Variants in MACROD2 observed in about 807,000 individuals in gnomAD.
MACROD2 encodes the protein mono-ADP ribosylhydrolase 2, also known as ADP-ribose glycohydrolase MACROD2.
Under a neutral mutation model 70.4 loss-of-function variants are expected in MACROD2, and 36 were observed. The observed-to-expected ratio is 0.51, with a 90% CI of 0.39 to 0.68. The LOEUF is 0.68. MACROD2 is among the 30% of genes least tolerant of loss of function. MACROD2 has a pLI of 0.00. For missense variants in MACROD2, 496 were observed against 538.4 expected (o/e 0.92, Z 0.78); for synonymous variants, 172 against 178.8 (o/e 0.96, Z 0.30).
chr20:14,078,950 C>T (rs998057717), intron 2 of MACROD2, among the ~76,000 whole-genome samples: 14 of 152,294 alleles, frequency 9.2e-5, no homozygotes, highest in African/African-American at 3.4e-4. Flanking sequence ...CCAATACCCT[C>T]ATTGTCCATC....
At chr20:14,580,288 T>G (rs1980922231) in intron 4 of MACROD2, among the ~76,000 whole-genome samples, 1 of 152,184 alleles carries the variant, frequency 6.6e-6, no homozygotes, top group African/African-American at 2.4e-5. Flanking sequence ...GTTATAGCAC[T>G]AAGAGTATTT....
At chr20:14,526,027 G>A (rs984783943) in intron 4 of MACROD2, among the ~76,000 whole-genome samples, 1 of 152,184 alleles carries the variant, frequency 6.6e-6, no homozygotes, top group Non-Finnish European at 1.5e-5. Context: ...ATATCGGAAT[G>A]TTGATAGAAA....
At position 14,515,469 on chromosome 20, in the gene MACROD2, A is replaced by ACACGCG. The variant is rs759399680; in HGVS notation, c.301+21964_301+21965insGCGCAC. Among the ~76,000 whole-genome samples, 1,183 of 143,686 alleles carry ACACGCG rather than the reference A, an allele frequency of 8.2e-3. 6 individuals are homozygous for ACACGCG. The highest frequency in any genetic ancestry group is 0.014 in the Middle Eastern group (4 of 278). The allele number at this position is 143,686 out of a possible 152,430, so 94.3% of individuals were successfully genotyped here. On this transcript the variant is annotated intron_variant, in intron 4 of 17. Coordinates refer to ENST00000684519, the MANE Select transcript of MACROD2 (RefSeq NM_001351661.2). ...ATATGTGAGATACACACACACGCAC[A>ACACGCG]CACACACACACACACACACACACAC... is the stretch of plus-strand genomic sequence containing the variant.
intron 3 of MACROD2, among the ~76,000 whole-genome samples, chr20:14,165,877 ACTAGGTAAGTCCTCAC>A (rs1443035234): frequency 6.6e-6 from 1 of 152,192 alleles, no homozygotes; most frequent in African/African-American, 2.4e-5. Context: ...ACCTATCTCT[ACTAGGTAAGTCCTCAC>A]TAGGGCATTA....
chr20:15,797,282 T>G (rs147388438), intron 8 of MACROD2, among the ~76,000 whole-genome samples: 2 of 151,930 alleles, frequency 1.3e-5, no homozygotes, highest in Non-Finnish European at 2.9e-5. Flanking sequence ...CCCGGCTAAT[T>G]TTTTTGTATT....
chr20:14,167,948 T>C (rs2081186202), intron 3 of MACROD2, among the ~76,000 whole-genome samples: 1 of 152,142 alleles, frequency 6.6e-6, no homozygotes, highest in Non-Finnish European at 1.5e-5. Flanking sequence ...GCAAAAAAAT[T>C]AACTCATCAG....
At chr20:15,477,750 CTT>C (rs1324148740) in intron 7 of MACROD2, among the ~76,000 whole-genome samples, 3 of 152,144 alleles carry the variant, frequency 2.0e-5, no homozygotes, top group African/African-American at 7.2e-5. Flanking sequence ...GCAAAAGAGA[CTT>C]TACAGATATT....
rs116443993 is a variant in MACROD2 at position 14,995,799 on chromosome 20, G to A, written c.419-234141G>A. ...ATGAATGATAAAAATATTACGTATCGAAACCTATGGGATGCAGTTAAAGAT... is the reference window on the plus strand; with the variant it reads ...ATGAATGATAAAAATATTACGTATCAAAACCTATGGGATGCAGTTAAAGAT... On this transcript the variant is annotated intron_variant, in intron 5 of 17. Transcript: ENST00000684519. Among the ~76,000 whole-genome samples, 128 of 152,128 alleles carry A rather than the reference G, an allele frequency of 8.4e-4. 1 individual carries two copies. The highest frequency in any genetic ancestry group is 2.7e-3 in the African/African-American group (114 of 41,512).
chr20:14,856,811 T>A (rs2122337273), intron 5 of MACROD2, among the ~76,000 whole-genome samples: 1 of 152,202 alleles, frequency 6.6e-6, no homozygotes, highest in African/African-American at 2.4e-5. Flanking sequence ...AGATTTGGGA[T>A]GGTTGCCGCC....
At chr20:14,543,991 G>T (rs2085463255) in intron 4 of MACROD2, among the ~76,000 whole-genome samples, 2 of 152,042 alleles carry the variant, frequency 1.3e-5, no homozygotes, top group Admixed American at 6.6e-5. Flanking sequence ...TGTCTATTTG[G>T]CTGGCTTCTT....
chr20:14,131,834 G>A (rs1056714797), intron 3 of MACROD2, among the ~76,000 whole-genome samples: 3 of 151,882 alleles, frequency 2.0e-5, no homozygotes, highest in African/African-American at 7.3e-5. Context: ...ATTCTCTTAC[G>A]GTTTAAGAGA....
rs938412585 is a variant in MACROD2, at chr20:15,366,876, T to C, written c.541-64529T>C. Among the ~76,000 whole-genome samples, 3 of 152,164 alleles carry C rather than the reference T, an allele frequency of 2.0e-5. No individual in the cohort carries two copies. In the East Asian group the frequency reaches 5.8e-4, roughly 29 times the overall value. Reference sequence around the variant, plus strand: ...CTGAGGTTTATTTTTGAATATAGCATTATTATGTAAATGCCTCCCATGTTG... The same window carrying C: ...CTGAGGTTTATTTTTGAATATAGCACTATTATGTAAATGCCTCCCATGTTG... On this transcript the variant is annotated intron_variant, in intron 6 of 17. Coordinates refer to ENST00000684519, the MANE Select transcript of MACROD2 (RefSeq NM_001351661.2).
intron 5 of MACROD2, among the ~76,000 whole-genome samples, chr20:14,954,721 T>TATATAA (rs1568895118): frequency 2.5e-3 from 2 of 796 alleles, no homozygotes; most frequent in South Asian, 0.029. Flanking sequence ...AATATATAAA[T>TATATAA]GTATAAATAT....
At chr20:16,036,288 G>A (rs2327984) in intron 15 of MACROD2, among the ~76,000 whole-genome samples, 1 of 34,402 alleles carries the variant, frequency 2.9e-5, no homozygotes, top group Non-Finnish European at 7.4e-5. Context: ...CTCCTCCCCC[G>A]GCCAGCATCT....
intron 5 of MACROD2, among the ~76,000 whole-genome samples, chr20:15,096,808 ATTTTTT>A (rs11479076): frequency 3.2e-5 from 3 of 93,662 alleles, no homozygotes; most frequent in South Asian, 7.5e-4. Flanking sequence ...CACTATGCTA[ATTTTTT>A]TTTTTTTTTT....
chr20:15,153,666 T>C (rs1433249549), intron 5 of MACROD2, among the ~76,000 whole-genome samples: 1 of 152,194 alleles, frequency 6.6e-6, no homozygotes, highest in Non-Finnish European at 1.5e-5. Context: ...GAATACATAC[T>C]GAATGATTCC....
At chr20:14,307,395 A>AT (rs1360832465) in intron 3 of MACROD2, among the ~76,000 whole-genome samples, 1 of 151,858 alleles carries the variant, frequency 6.6e-6, no homozygotes, top group Non-Finnish European at 1.5e-5. Context: ...AACTTTTGAA[A>AT]TTTTTTTTAC....
At chr20:14,271,241 C>T (rs957235633) in intron 3 of MACROD2, among the ~76,000 whole-genome samples, 7 of 152,194 alleles carry the variant, frequency 4.6e-5, no homozygotes, top group African/African-American at 1.4e-4. Flanking sequence ...GGGAGGCACC[C>T]CCCAGTAGGG....
chr20:15,432,266 G>T (rs776979990), intron 7 of MACROD2, among the ~76,000 whole-genome samples: 1 of 151,998 alleles, frequency 6.6e-6, no homozygotes, highest in South Asian at 2.1e-4. Flanking sequence ...TGATGTCAAA[G>T]GTAGGAGCTT....
Sources: allele counts gnomAD v4.1 joint callset (sites outside exome capture counted in the v4.1 genomes callset), GRCh38; gene constraint gnomAD v4.1.1; transcripts MANE v1.5; gene names NCBI Gene and HGNC (gene_info 2026-07-23, HGNC 2026-07-21).